The following MAGI1 variants were observed in gnomAD, a reference collection of about 807,000 sequenced individuals.
MAGI1 encodes the protein membrane-associated guanylate kinase, WW and PDZ domain-containing protein 1.
In MAGI1, 58 loss-of-function variants were observed where a neutral mutation model predicts 139.9. The observed-to-expected ratio is 0.41, with a 90% CI of 0.34 to 0.52. The LOEUF (loss-of-function observed/expected upper bound fraction) is 0.52, where lower values mean the gene tolerates loss of function less well. Among genes scored for constraint, MAGI1 ranks in the 20% least tolerant of loss-of-function variants. The pLI, the probability that MAGI1 is intolerant of heterozygous loss-of-function variation, is 0.12. For synonymous variants in MAGI1, 812 were observed against 737.9 expected, an observed-to-expected ratio of 1.10 and a Z score of -1.63; for missense variants, 1,874 against 1,901.6, an observed-to-expected ratio of 0.99 and a Z score of 0.27.
chr3:65,724,156 A>T (rs1295976434), intron 1 of MAGI1, among the ~76,000 whole-genome samples: 1 of 152,250 alleles, frequency 6.6e-6, no homozygotes, highest in African/African-American at 2.4e-5. Flanking sequence ...GCTTTATAAA[A>T]GCACATGTGT....
rs71102864 is a variant in MAGI1 at position 65,480,585 on chromosome 3, C to CTT, written c.551-1789_551-1788dup. ...GGCTTTATTCTTATAAATAAGGTTT[C>CTT]TTTTTTTTTTTTTTTTTTGAGATGG... On this transcript the variant is annotated intron_variant, in intron 3 of 22. Transcript: ENST00000402939. Among the ~76,000 whole-genome samples, 86 of 99,054 alleles carry CTT rather than the reference C, an allele frequency of 8.7e-4. No individual in the cohort carries two copies. The Middle Eastern group carries it at 0.017, about 20-fold the overall frequency. The allele number at this position is 99,054 out of a possible 152,430, so 65.0% of individuals were successfully genotyped here.
intron 2 of MAGI1, among the ~76,000 whole-genome samples, chr3:65,502,802 C>T (rs1278659392): frequency 6.6e-6 from 1 of 152,024 alleles, no homozygotes; most frequent in African/African-American, 2.4e-5. Flanking sequence ...CAGAAGGGTG[C>T]GTTGAAGCAG....
At chr3:65,499,917 C>T (rs1382196056) in intron 2 of MAGI1, among the ~76,000 whole-genome samples, 1 of 152,130 alleles carries the variant, frequency 6.6e-6, no homozygotes, top group African/African-American at 2.4e-5. Context: ...TATCAATAGG[C>T]AGGTAACTGT....
At chr3:65,407,726 T>C (rs1423385316) in intron 12 of MAGI1, among the ~76,000 whole-genome samples, 1 of 152,218 alleles carries the variant, frequency 6.6e-6, no homozygotes, top group South Asian at 2.1e-4. Context: ...AATATTTTTC[T>C]AAACACTAGG....
At chr3:65,404,868 C>A (rs1041692773) in intron 12 of MAGI1, among the ~76,000 whole-genome samples, 10 of 152,172 alleles carry the variant, frequency 6.6e-5, no homozygotes. Flanking sequence ...CATGGCATAC[C>A]AGTGGTCTTC....
intron 2 of MAGI1, among the ~76,000 whole-genome samples, chr3:65,517,838 C>A (rs1166366036): frequency 2.0e-5 from 3 of 152,180 alleles, no homozygotes; most frequent in Non-Finnish European, 4.4e-5. Context: ...TGTGTGACCT[C>A]AGAGCTCTCT....
chr3:65,861,295 T>G (rs2108443577), intron 1 of MAGI1, among the ~76,000 whole-genome samples: 1 of 152,312 alleles, frequency 6.6e-6, no homozygotes, highest in African/African-American at 2.4e-5. Context: ...AGTTTTGAAT[T>G]TCTTATACCA....
intron 1 of MAGI1, chr3:65,873,472 G>T (rs1020063836): frequency 1.3e-5 from 2 of 152,148 alleles, no homozygotes; most frequent in Admixed American, 6.5e-5. Context: ...TGGCACTTTG[G>T]TTCTCTATCT....
intron 2 of MAGI1, among the ~76,000 whole-genome samples, chr3:65,527,376 T>C (rs911686900): frequency 6.6e-6 from 1 of 152,024 alleles, no homozygotes; most frequent in African/African-American, 2.4e-5. Context: ...GGTTAGGAGT[T>C]GGAGACCAAC....
At chr3:65,838,542 T>C (rs1215655782) in intron 1 of MAGI1, among the ~76,000 whole-genome samples, 1 of 152,242 alleles carries the variant, frequency 6.6e-6, no homozygotes, top group East Asian at 1.9e-4. Context: ...TTGAGATCCA[T>C]CCAAGTTATT....
At position 65,788,825 on chromosome 3, in the gene MAGI1, T is replaced by C. The variant is rs373805988; in HGVS notation, c.314-166737A>G. 5.3e-5 allele frequency among the ~76,000 whole-genome samples: 8 copies of C among 152,046 alleles called. No homozygotes were observed. The East Asian group carries it at 5.8e-4, about 11-fold the overall frequency. On this transcript the variant is annotated intron_variant, in intron 1 of 22. Coordinates refer to ENST00000402939, the MANE Select transcript of MAGI1 (RefSeq NM_001033057.2). The stretch of plus-strand genomic sequence containing the variant: ...TTGCTCAGTGAAAACACAAGGAAAA[T>C]TTAGAGAAGTTTATTTATTCCCAAA...
chr3:65,788,567 T>C (rs1193264138), intron 1 of MAGI1, among the ~76,000 whole-genome samples: 7 of 152,220 alleles, frequency 4.6e-5, no homozygotes, highest in Admixed American at 6.5e-5. Context: ...TGCAGAGGTC[T>C]GCTCACAGTT....
At chr3:65,378,979 G>A (rs553196774) in intron 17 of MAGI1, among the ~76,000 whole-genome samples, 5 of 152,254 alleles carry the variant, frequency 3.3e-5, no homozygotes, top group Admixed American at 2.6e-4. Flanking sequence ...ACAGCGCCCG[G>A]CTGCTATTCA....
intron 2 of MAGI1, among the ~76,000 whole-genome samples, chr3:65,510,174 C>G (rs1576104669): frequency 6.6e-6 from 1 of 152,148 alleles, no homozygotes; most frequent in Non-Finnish European, 1.5e-5. Context: ...CATCAAAGAG[C>G]AAAAGTAGAT....
rs138472934 is a variant in MAGI1, at chr3:65,530,064, T to C, written c.431-36433A>G. Among the ~76,000 whole-genome samples the C allele has an allele frequency of 6.5e-4, 99 of 152,106 alleles. 1 individual carries two copies. Among genetic ancestry groups the C allele is most frequent in the African/African-American group, 2.3e-3 (94 of 41,518 alleles). Reference sequence around the variant, plus strand: ...TAGCTAGGGATTCAGTAGGTATTTGTTGGAAAAAAAATGCATGAATGAATG... The same window carrying C: ...TAGCTAGGGATTCAGTAGGTATTTGCTGGAAAAAAAATGCATGAATGAATG... On this transcript the variant is annotated intron_variant, in intron 2 of 22. Coordinates refer to ENST00000402939, the MANE Select transcript of MAGI1 (RefSeq NM_001033057.2).
At chr3:65,700,470 T>TA (rs1245983270) in intron 1 of MAGI1, among the ~76,000 whole-genome samples, 28 of 149,948 alleles carry the variant, frequency 1.9e-4, no homozygotes, top group South Asian at 4.2e-4. Context: ...AATAAATAAA[T>TA]AATAATAATA....
At chr3:65,637,202 A>C (rs769633563) in intron 1 of MAGI1, among the ~76,000 whole-genome samples, 2 of 152,092 alleles carry the variant, frequency 1.3e-5, no homozygotes, top group Non-Finnish European at 2.9e-5. Context: ...GCCCCTTTAC[A>C]CATATGTGGA....
chr3:65,816,171 G>A (rs1477536269), intron 1 of MAGI1, among the ~76,000 whole-genome samples: 2 of 151,812 alleles, frequency 1.3e-5, no homozygotes, highest in Non-Finnish European at 2.9e-5. Flanking sequence ...TTTTAATGTA[G>A]AGTCATGGTT....
intron 3 of MAGI1, among the ~76,000 whole-genome samples, chr3:65,489,543 G>C (rs1241261623): frequency 1.3e-5 from 2 of 152,052 alleles, no homozygotes; most frequent in South Asian, 2.1e-4. Context: ...TCCATCTGCA[G>C]GGGGCTGGTT....
Sources: gnomAD v4.1 joint callset for allele counts (sites outside exome capture counted in the v4.1 genomes callset) on GRCh38, gnomAD v4.1.1 for gene constraint, MANE v1.5 for transcripts, NCBI Gene and HGNC (gene_info 2026-07-23, HGNC 2026-07-21) for gene names.